Variants in SPATS2L observed in about 807,000 individuals in gnomAD.
The protein encoded by SPATS2L is SPATS2-like protein.
SPATS2L carries 30 observed loss-of-function variants against 59.6 expected under a neutral mutation model. The ratio of observed to expected loss-of-function variants is 0.50; its 90% CI spans 0.38 to 0.68. SPATS2L has a LOEUF of 0.68. Ranked by LOEUF, SPATS2L falls within the 30% of genes least tolerant of loss-of-function variation. The pLI, the probability that SPATS2L is intolerant of heterozygous loss-of-function variation, is 0.00. For missense variants in SPATS2L, 615 were observed against 700.0 expected, an observed-to-expected ratio of 0.88 and a Z score of 1.37; for synonymous variants, 252 against 263.5, an observed-to-expected ratio of 0.96 and a Z score of 0.42.
At chr2:200,422,828 A>T (rs1012663663) in intron 6 of SPATS2L, among the ~76,000 whole-genome samples, 18 of 152,204 alleles carry the variant, frequency 1.2e-4, no homozygotes, top group Non-Finnish European at 1.8e-4. Flanking sequence ...ATAAGAGATT[A>T]AAAATAACCA....
At chr2:200,420,241 G>A (rs1308711571) in intron 6 of SPATS2L, among the ~76,000 whole-genome samples, 1 of 152,098 alleles carries the variant, frequency 6.6e-6, no homozygotes, top group Non-Finnish European at 1.5e-5. Flanking sequence ...TACTAGATCA[G>A]TGCTTCTCAA....
At chr2:200,313,454 T>A (rs1308178415) in intron 1 of SPATS2L, among the ~76,000 whole-genome samples, 1 of 152,224 alleles carries the variant, frequency 6.6e-6, no homozygotes, top group Non-Finnish European at 1.5e-5. Flanking sequence ...GTGTCCCTTA[T>A]AAATGGCAGG....
intron 8 of SPATS2L, among the ~76,000 whole-genome samples, chr2:200,456,872 A>G (rs886842314): frequency 2.6e-5 from 4 of 152,104 alleles, no homozygotes; most frequent in African/African-American, 9.7e-5. Flanking sequence ...AGGGAAGGGA[A>G]TCCTAATTGC....
chr2:200,442,760 A>G (rs1342888334), intron 8 of SPATS2L, among the ~76,000 whole-genome samples: 1 of 152,230 alleles, frequency 6.6e-6, no homozygotes, highest in Admixed American at 6.5e-5. Flanking sequence ...CTTGAGATTT[A>G]TAACAGATTC....
In SPATS2L at chr2:200,332,755, A is replaced by T. The variant is rs114449323; in HGVS notation, c.-23+3275A>T. On this transcript the variant is annotated intron_variant, in intron 2 of 12. Transcript: ENST00000409140. ...CATTATATTTTTTTTTTGAAAAAAA[A>T]AAACTAAGTTAGCTGCCTGTGTGTG... 6.2e-3 allele frequency among the ~76,000 whole-genome samples: 902 copies of T among 145,788 alleles called. 15 individuals are homozygous for T. The highest frequency in any genetic ancestry group is 0.022 in the African/African-American group (859 of 39,302).
chr2:200,373,786 C>T (rs1353801053), intron 2 of SPATS2L, among the ~76,000 whole-genome samples: 2 of 152,012 alleles, frequency 1.3e-5, no homozygotes, highest in African/African-American at 2.4e-5. Context: ...TTTTACAAAA[C>T]TGAAAGTACT....
intron 8 of SPATS2L, among the ~76,000 whole-genome samples, chr2:200,448,450 A>C (rs2085213629): frequency 6.6e-6 from 1 of 152,182 alleles, no homozygotes; most frequent in Admixed American, 6.5e-5. Context: ...TAAACAACAA[A>C]AACAAAACAA....
intron 2 of SPATS2L, among the ~76,000 whole-genome samples, chr2:200,349,299 G>T (rs2080631315): frequency 6.6e-6 from 1 of 152,134 alleles, no homozygotes; most frequent in African/African-American, 2.4e-5. Context: ...TGAGGAAACC[G>T]AGATCTAGAA....
Position 200,340,084 on chromosome 2 carries a change from C to T in SPATS2L, c.-23+10604C>T, listed in dbSNP as rs560337469. Reference sequence around the variant, plus strand: ...ATTTATAGAAAGAAACCTCGACCCACGTCACATCTGCAATCTAAGAGCCCC... The same window carrying T: ...ATTTATAGAAAGAAACCTCGACCCATGTCACATCTGCAATCTAAGAGCCCC... On this transcript the variant is annotated intron_variant, in intron 2 of 12. Transcript: ENST00000409140. Among the ~76,000 whole-genome samples the T allele has an allele frequency of 4.6e-5, 7 of 152,298 alleles. No individual in the cohort carries two copies. In the East Asian group the frequency reaches 9.6e-4, roughly 21 times the overall value.
intron 2 of SPATS2L, among the ~76,000 whole-genome samples, chr2:200,331,519 C>CA (rs1175618342): frequency 1.3e-5 from 2 of 152,170 alleles, no homozygotes; most frequent in African/African-American, 4.8e-5. Context: ...ACAGTGCCAA[C>CA]AATAACAACA....
chr2:200,306,133 A>G, upstream of SPATS2L: 3 of 990,854 alleles, frequency 3.0e-6, no homozygotes, highest in Non-Finnish European at 3.6e-6. Context: ...CCCGAGCTCC[A>G]GCACTTTTTC....
intron 2 of SPATS2L, among the ~76,000 whole-genome samples, chr2:200,346,422 G>A (rs1262600499): frequency 2.6e-5 from 4 of 152,132 alleles, no homozygotes; most frequent in Non-Finnish European, 4.4e-5. Context: ...GAAGTTGTGT[G>A]ACTATGATCT....
intron 3 of SPATS2L, among the ~76,000 whole-genome samples, chr2:200,395,094 A>C (rs142779762): frequency 3.4e-3 from 515 of 152,304 alleles, no homozygotes; most frequent in African/African-American, 0.012. Context: ...AAATTTATAG[A>C]TGATTTCAGT....
chr2:200,356,521 C>CT (rs1051371260), intron 2 of SPATS2L, among the ~76,000 whole-genome samples: 1 of 151,980 alleles, frequency 6.6e-6, no homozygotes, highest in African/African-American at 2.4e-5. Context: ...ACAAACATTG[C>CT]TTTTTTTTCT....
chr2:200,461,921 TC>T (rs2086265422), intron 9 of SPATS2L, among the ~76,000 whole-genome samples: 1 of 152,246 alleles, frequency 6.6e-6, no homozygotes, highest in African/African-American at 2.4e-5. Context: ...CATTTTAGAA[TC>T]CTGAAATACA....
chr2:200,322,085 T>A (rs2079579831), intron 1 of SPATS2L, among the ~76,000 whole-genome samples: 1 of 152,236 alleles, frequency 6.6e-6, no homozygotes, highest in South Asian at 2.1e-4. Context: ...GATACTTGGC[T>A]GGAATGCTTG....
chr2:200,309,839 T>C (rs2079138646), intron 1 of SPATS2L, among the ~76,000 whole-genome samples: 1 of 152,212 alleles, frequency 6.6e-6, no homozygotes, highest in South Asian at 2.1e-4. Flanking sequence ...AAATGGCTAA[T>C]TTGGAGTTGT....
chr2:200,316,886 G>A (rs1188738922), intron 1 of SPATS2L, among the ~76,000 whole-genome samples: 1 of 152,096 alleles, frequency 6.6e-6, no homozygotes, highest in Non-Finnish European at 1.5e-5. Flanking sequence ...CTTTTCCCTG[G>A]CTCCAGACCC....
chr2:200,424,978 A>G (rs2083474429), intron 6 of SPATS2L, among the ~76,000 whole-genome samples: 1 of 152,184 alleles, frequency 6.6e-6, no homozygotes, highest in Admixed American at 6.5e-5. Context: ...CCTGTACCAC[A>G]AAGCAGGAAC....
Sources: allele counts gnomAD v4.1 joint callset (sites outside exome capture counted in the v4.1 genomes callset), GRCh38; gene constraint gnomAD v4.1.1; transcripts MANE v1.5; gene names NCBI Gene and HGNC (gene_info 2026-07-23, HGNC 2026-07-21).